PDE1A: variants seen among roughly 807,000 people sequenced by gnomAD.
PDE1A encodes the protein phosphodiesterase 1A.
PDE1A carries 35 observed loss-of-function variants against 61.7 expected under a neutral mutation model. The observed-to-expected ratio is 0.57, with a 90% CI of 0.43 to 0.75. The LOEUF is 0.75. Ranked by LOEUF, PDE1A falls within the 30% of genes least tolerant of loss-of-function variation. PDE1A has a pLI of 0.00. For missense variants in PDE1A, 597 were observed against 630.6 expected, an observed-to-expected ratio of 0.95 and a Z score of 0.57; for synonymous variants, 232 against 213.2, an observed-to-expected ratio of 1.09 and a Z score of -0.77.
the PDE1A span, among the ~76,000 whole-genome samples, chr2:182,557,530 G>T: frequency 6.6e-6 from 1 of 151,960 alleles, no homozygotes; most frequent in East Asian, 1.9e-4. Context: ...TGGGGAACAT[G>T]ATGAGACCCC....
At chr2:182,523,588 G>C (rs1236964825), upstream of PDE1A, among the ~76,000 whole-genome samples, 2 of 152,148 alleles carry the variant, frequency 1.3e-5, no homozygotes, top group Admixed American at 6.5e-5. Context: ...AAGAAAACTT[G>C]CCTGTTACTA....
At chr2:182,646,416 G>A in the PDE1A span, among the ~76,000 whole-genome samples, 61 of 138,354 alleles carry the variant, frequency 4.4e-4, 1 homozygote, top group Middle Eastern at 3.9e-3. Flanking sequence ...AAAGCCATAC[G>A]CGGTGGCTCA....
the PDE1A span, among the ~76,000 whole-genome samples, chr2:182,645,803 T>C: frequency 6.6e-6 from 1 of 152,222 alleles, no homozygotes; most frequent in Non-Finnish European, 1.5e-5. Context: ...GTGAAGGTTA[T>C]GCCAGCTTCT....
intron 2 of PDE1A, among the ~76,000 whole-genome samples, chr2:182,509,944 T>TG (rs1469938048): frequency 1.3e-5 from 2 of 152,150 alleles, no homozygotes; most frequent in African/African-American, 2.4e-5. Context: ...AAGAATCCCT[T>TG]GAACATCCAT....
intron 5 of PDE1A, among the ~76,000 whole-genome samples, chr2:182,230,802 T>C (rs930683183): frequency 6.6e-6 from 1 of 152,182 alleles, no homozygotes; most frequent in Non-Finnish European, 1.5e-5. Flanking sequence ...AATGAGGCTA[T>C]AGTGGCCTCA....
At chr2:182,307,584 G>C (rs1352633874) in intron 1 of PDE1A, among the ~76,000 whole-genome samples, 1 of 152,106 alleles carries the variant, frequency 6.6e-6, no homozygotes, top group African/African-American at 2.4e-5. Context: ...AACAGAGTAA[G>C]ACAATCACTG....
At chr2:182,571,138 A>G in the PDE1A span, among the ~76,000 whole-genome samples, 207 of 152,338 alleles carry the variant, frequency 1.4e-3, no homozygotes, top group East Asian at 9.8e-3. Context: ...GGTGCCAACA[A>G]TTTATCCTTG....
intron 4 of PDE1A, among the ~76,000 whole-genome samples, chr2:182,231,700 G>T (rs1216433618): frequency 1.3e-5 from 2 of 152,062 alleles, no homozygotes; most frequent in Non-Finnish European, 2.9e-5. Flanking sequence ...CCAATCACGA[G>T]GTCAGGAGTT....
the PDE1A span, among the ~76,000 whole-genome samples, chr2:182,606,460 G>A: frequency 6.6e-6 from 1 of 152,174 alleles, no homozygotes; most frequent in Admixed American, 6.5e-5. Context: ...TTACAGGTGT[G>A]AGCCACCGTG....
At chr2:182,666,887 G>T in the PDE1A span, among the ~76,000 whole-genome samples, 1 of 152,126 alleles carries the variant, frequency 6.6e-6, no homozygotes. Flanking sequence ...TGAATAGTCT[G>T]GGTATTTCCT....
chr2:182,443,982 C>T (rs778087172), intron 2 of PDE1A, among the ~76,000 whole-genome samples: 3 of 152,030 alleles, frequency 2.0e-5, no homozygotes, highest in Non-Finnish European at 4.4e-5. Flanking sequence ...GGATTTCAGG[C>T]GTGAGCCACC....
intron 2 of PDE1A, among the ~76,000 whole-genome samples, chr2:182,521,125 A>G (rs867416430): frequency 1.3e-5 from 2 of 152,186 alleles, no homozygotes; most frequent in African/African-American, 4.8e-5. Context: ...TACAAAGAAC[A>G]ATATTTAAAT....
chr2:182,589,542 G>A, the PDE1A span, among the ~76,000 whole-genome samples: 1 of 152,164 alleles, frequency 6.6e-6, no homozygotes, highest in Non-Finnish European at 1.5e-5. Context: ...AATTCAAGGA[G>A]AAAAAGAAAA....
At chr2:182,616,999 G>A in the PDE1A span, among the ~76,000 whole-genome samples, 1 of 152,152 alleles carries the variant, frequency 6.6e-6, no homozygotes, top group Non-Finnish European at 1.5e-5. Flanking sequence ...TTTGTGGTGT[G>A]TGACAAAGAA....
At chr2:182,681,902 T>G in the PDE1A span, among the ~76,000 whole-genome samples, 1 of 152,172 alleles carries the variant, frequency 6.6e-6, no homozygotes, top group Non-Finnish European at 1.5e-5. Context: ...CACCTCGGCC[T>G]CCCAAAGTGC....
intron 1 of PDE1A, among the ~76,000 whole-genome samples, chr2:182,336,089 A>C (rs1375887768): frequency 3.3e-5 from 5 of 152,236 alleles, no homozygotes; most frequent in Admixed American, 1.3e-4. Flanking sequence ...CGCCAGTTAG[A>C]ATGGTGATCA....
the PDE1A span, among the ~76,000 whole-genome samples, chr2:182,545,128 G>A: frequency 2.0e-5 from 3 of 152,108 alleles, no homozygotes; most frequent in African/African-American, 7.2e-5. Flanking sequence ...ATTCAAAAAG[G>A]AAAGACAGAC....
At chr2:182,700,462 G>A in the PDE1A span, among the ~76,000 whole-genome samples, 3 of 151,858 alleles carry the variant, frequency 2.0e-5, no homozygotes, top group African/African-American at 4.8e-5. Flanking sequence ...AGTGGTTCAC[G>A]CATGTAATCC....
chr2:182,530,462 C>A, the PDE1A span, among the ~76,000 whole-genome samples: 3 of 152,088 alleles, frequency 2.0e-5, no homozygotes, highest in Non-Finnish European at 4.4e-5. Flanking sequence ...CCAAAGAAAT[C>A]CACATCAAGA....
Sources: gnomAD v4.1 joint callset for allele counts (sites outside exome capture counted in the v4.1 genomes callset) on GRCh38, gnomAD v4.1.1 for gene constraint, MANE v1.5 for transcripts, NCBI Gene and HGNC (gene_info 2026-07-23, HGNC 2026-07-21) for gene names.